The following MAP3K13 variants were observed in gnomAD, a reference collection of about 807,000 sequenced individuals.
The protein encoded by MAP3K13 is leucine zipper-bearing kinase.
In MAP3K13, 52 loss-of-function variants were observed where a neutral mutation model predicts 104.0. The ratio of observed to expected loss-of-function variants is 0.50; its 90% CI spans 0.40 to 0.63. MAP3K13 has a LOEUF of 0.63. Among genes scored for constraint, MAP3K13 ranks in the 20% least tolerant of loss-of-function variants. The pLI is 0.00. For missense variants in MAP3K13, 914 were observed against 1,218.5 expected (o/e 0.75, Z 3.72); for synonymous variants, 394 against 442.2 (o/e 0.89, Z 1.37).
At chr3:185,472,189 C>T (rs2148922152) in intron 10 of MAP3K13, among the ~76,000 whole-genome samples, 1 of 149,192 alleles carries the variant, frequency 6.7e-6, no homozygotes, top group Middle Eastern at 3.5e-3. Context: ...TCTTCAACAT[C>T]ATCTCATCCC....
rs779072762 is a variant in MAP3K13 at position 185,428,793 on chromosome 3, G to T, written c.212G>T (p.Ser71Ile). Residue 71 changes from serine (S) to isoleucine (I), a missense_variant, in exon 2 of 14, where the codon AGC (serine) becomes ATC (isoleucine). By Grantham distance (142) the Ser-to-Ile change is moderately radical. This residue lies in a region of MAP3K13 where 156 missense variants were observed against 159.8 expected (regional missense o/e 0.98). Transcript: ENST00000265026. Reference protein sequence around the residue: ...HSPVTTTVLTSVSEDSRDQFE... With the variant: ...HSPVTTTVLTIVSEDSRDQFE... ...CCCGTCACCACAACAGTGTTGACGA[G>T]CGTAAGTGAGGATTCCAGGGACCAG... 3.1e-6 allele frequency: 5 copies of T among 1,614,018 alleles called. No homozygotes were observed. Among genetic ancestry groups the T allele is most frequent in the Non-Finnish European group, 4.2e-6 (5 of 1,180,016 alleles).
chr3:185,373,858 C>T (rs1446958718), intron 1 of MAP3K13, among the ~76,000 whole-genome samples: 3 of 121,968 alleles, frequency 2.5e-5, no homozygotes, highest in South Asian at 2.5e-4. Flanking sequence ...TGAGCAACAG[C>T]GGCTGTTTAT....
In MAP3K13 at chr3:185,418,301, C is replaced by T; in HGVS notation, c.-85-10196C>T. ...ACAGCTTCCTTGGTCTTCTTGTAGC[C>T]TTCAACTTTATCTTCAAATACCAAA... On this transcript the variant is annotated intron_variant, in intron 1 of 13. Transcript: ENST00000265026. This position sits in a 1 kb window ranked among gnomAD's most constrained non-coding sequence, Gnocchi z 4.5. 6.3e-6 allele frequency: 10 copies of T among 1,582,714 alleles called. No homozygotes were observed. The highest frequency in any genetic ancestry group is 8.7e-6 in the Non-Finnish European group (10 of 1,153,284).
chr3:185,390,283 T>G (rs1560080056), intron 1 of MAP3K13, among the ~76,000 whole-genome samples: 1 of 152,114 alleles, frequency 6.6e-6, no homozygotes, highest in African/African-American at 2.4e-5. Flanking sequence ...CTCTGTGTGG[T>G]GGGTGCTATT....
chr3:185,477,488 C>A, intron 12 of MAP3K13, 92 bp downstream of exon 12: 2 of 890,110 alleles, frequency 2.2e-6, no homozygotes, highest in Non-Finnish European at 3.7e-6. Context: ...ACAGGTGATT[C>A]CCTGGCAGCC....
chr3:185,350,289 G>A (rs1006882269), intron 2 of MAP3K13, among the ~76,000 whole-genome samples: 5 of 152,224 alleles, frequency 3.3e-5, no homozygotes, highest in South Asian at 2.1e-4. Flanking sequence ...GGGTTCAAGC[G>A]GTTCTCCTGC....
At position 185,486,310 on chromosome 3, in the gene MAP3K13, G is replaced by A. The variant is rs1235281788; in HGVS notation, c.*3854G>A. The A allele has an allele frequency of 6.6e-6, 1 of 152,152 alleles. No homozygotes were observed. The highest frequency in any genetic ancestry group is 1.9e-4 in the East Asian group (1 of 5,204). The allele number at this position is 152,152 out of a possible 1,614,324, so 9.4% of individuals were successfully genotyped here. On this transcript the variant is annotated 3_prime_UTR_variant, in exon 14 of 14. Coordinates refer to ENST00000265026, the MANE Select transcript of MAP3K13 (RefSeq NM_004721.5). ...GGTAGTACGTAGTGGCTGAATCTCA[G>A]TCATTCATTGTATAGTCGAGAGTTG...
At chr3:185,474,484 A>G (rs963090768) in intron 11 of MAP3K13, among the ~76,000 whole-genome samples, 1 of 152,210 alleles carries the variant, frequency 6.6e-6, no homozygotes, top group Non-Finnish European at 1.5e-5. Flanking sequence ...ATCCCCTCAT[A>G]CAGATTCCTA....
rs983731660 is a variant in MAP3K13 at position 185,292,571 on chromosome 3, C to A, written c.-86+6928C>A. Reference sequence around the variant, plus strand: ...TACCTCACAGGGTTGTTGTGAGGATCAAATGAAATAATGTACATGAAAAGA... The same window carrying A: ...TACCTCACAGGGTTGTTGTGAGGATAAAATGAAATAATGTACATGAAAAGA... On this transcript the variant is annotated intron_variant, in intron 2 of 14. Coordinates refer to the MAP3K13 transcript ENST00000424227. 1.8e-5 allele frequency: 15 copies of A among 817,652 alleles called. No individual in the cohort carries two copies. In the Admixed American group the frequency reaches 2.5e-4, roughly 14 times the overall value. 50.6% of individuals were successfully genotyped at this position (817,652 alleles called of 1,614,324 possible). A position where few individuals can be genotyped will look rare whatever the true frequency, so the allele number is the denominator to read the frequency against.
intron 2 of MAP3K13, among the ~76,000 whole-genome samples, chr3:185,431,495 T>G (rs1714740892): frequency 1.3e-5 from 2 of 152,236 alleles, no homozygotes; most frequent in African/African-American, 4.8e-5. Context: ...ATAGTTGAAT[T>G]CAAAAGATGT....
At chr3:185,298,356 C>A (rs1720989179) in intron 2 of MAP3K13, among the ~76,000 whole-genome samples, 1 of 151,990 alleles carries the variant, frequency 6.6e-6, no homozygotes, top group Admixed American at 6.6e-5. Context: ...CATTTATGTT[C>A]CACGTATTTC....
In MAP3K13 at chr3:185,428,592, T is replaced by A; in HGVS notation, c.11T>A (p.Phe4Tyr). 1 of 1,587,232 alleles carries A rather than the reference T, an allele frequency of 6.3e-7. No homozygotes were observed. Among genetic ancestry groups the A allele is most frequent in the Non-Finnish European group, 8.6e-7 (1 of 1,164,316 alleles). MAN[F>Y]QEHLSCSSSP... is the part of the protein sequence containing the mutation. ...TATACTCATGGCACGATGGCCAACT[T>A]TCAGGAGCACCTGAGCTGCTCCTCT... The change falls in exon 2 of 14, where the codon TTT (phenylalanine) becomes TAT (tyrosine). Residue 4 changes from phenylalanine (F) to tyrosine (Y), a missense_variant. Coordinates refer to ENST00000265026, the MANE Select transcript of MAP3K13 (RefSeq NM_004721.5).
rs762716998 is a variant in MAP3K13 at position 185,451,365 on chromosome 3, C to T, written c.1248C>T (p.Ala416=). ...HLDIASADVL[A]TPQETYFKSQ... is the part of the protein sequence containing the mutation. ...ACATTGCCTCTGCAGATGTACTTGC[C>T]ACCCCACAAGAAACTTACTTCAAGT... Residue 416 remains alanine, a synonymous_variant, in exon 7 of 14, where the codon GCC becomes GCT. Transcript: ENST00000265026. 6.2e-7 allele frequency: 1 copy of T among 1,613,598 alleles called. No homozygotes were observed. The highest frequency in any genetic ancestry group is 8.5e-7 in the Non-Finnish European group (1 of 1,179,574).
chr3:185,453,892 T>A (rs1716055299), intron 7 of MAP3K13, among the ~76,000 whole-genome samples: 1 of 72,634 alleles, frequency 1.4e-5, no homozygotes, highest in African/African-American at 4.3e-5. Flanking sequence ...GATATATATG[T>A]GATACATATA....
intron 10 of MAP3K13, among the ~76,000 whole-genome samples, chr3:185,472,252 C>T (rs1253648468): frequency 6.7e-6 from 1 of 148,728 alleles, no homozygotes; most frequent in Non-Finnish European, 1.5e-5. Flanking sequence ...CTCTGTTGCC[C>T]AGGCTGGAGT....
Position 185,484,795 on chromosome 3 carries a change from T to C in MAP3K13, c.*2339T>C, listed in dbSNP as rs984757754. ...TTATCATTGTTATTTTATTTTATAA[T>C]ATTATCATTCTCATTTTCTGTCGAT... On this transcript the variant is annotated 3_prime_UTR_variant, in exon 14 of 14. Transcript: ENST00000265026. 7.9e-5 allele frequency: 12 copies of C among 152,226 alleles called. No individual in the cohort carries two copies. The highest frequency in any genetic ancestry group is 2.9e-4 in the African/African-American group (12 of 41,462). 9.4% of individuals were successfully genotyped at this position (152,226 alleles called of 1,614,324 possible).
chr3:185,365,388 A>G (rs1366793333), intron 1 of MAP3K13, among the ~76,000 whole-genome samples: 3 of 152,222 alleles, frequency 2.0e-5, no homozygotes, highest in Non-Finnish European at 4.4e-5. Flanking sequence ...GTCAAACCAG[A>G]GCCATGTCCT....
intron 12 of MAP3K13, 73 bp from the exon 13 acceptor site, chr3:185,480,159 C>A: frequency 7.1e-7 from 1 of 1,404,524 alleles, no homozygotes; most frequent in East Asian, 2.3e-5. Context: ...TCTACCACTA[C>A]TATGAGTGAC....
At chr3:185,404,700 CCAAA>C (rs1713009817) in intron 1 of MAP3K13, among the ~76,000 whole-genome samples, 5 of 152,130 alleles carry the variant, frequency 3.3e-5, no homozygotes, top group African/African-American at 1.2e-4. Context: ...CCTCAACCTC[CCAAA>C]TAGGTGGGAT....
Sources: gnomAD v4.1 joint callset for allele counts (sites outside exome capture counted in the v4.1 genomes callset) on GRCh38, gnomAD v4.1.1 for gene constraint, gnomAD v4.1.1 regional missense constraint, Gnocchi (gnomAD v3.1) non-coding constraint, MANE v1.5 for transcripts, NCBI Gene and HGNC (gene_info 2026-07-23, HGNC 2026-07-21) for gene names.